NEGR1: variants seen among roughly 807,000 people sequenced by gnomAD.
The protein encoded by NEGR1 is IgLON family member 4.
Under a neutral mutation model 40.9 loss-of-function variants are expected in NEGR1, and 10 were observed. That is an observed-to-expected ratio of 0.24 (90% confidence interval 0.15 to 0.42). NEGR1 has a LOEUF of 0.42. Among genes scored for constraint, NEGR1 ranks in the 10% least tolerant of loss-of-function variants. The pLI is 1.00. For missense variants in NEGR1, 352 were observed against 438.9 expected (o/e 0.80, Z 1.77); for synonymous variants, 185 against 166.8 (o/e 1.11, Z -0.84).
chr1:71,673,094 C>T (rs1054385053), intron 4 of NEGR1, among the ~76,000 whole-genome samples: 2 of 152,026 alleles, frequency 1.3e-5, no homozygotes, highest in African/African-American at 4.8e-5. Flanking sequence ...ACAAAATTAG[C>T]CTGGCATTTT....
chr1:71,852,554 C>T (rs185526787), intron 2 of NEGR1, among the ~76,000 whole-genome samples: 367 of 152,064 alleles, frequency 2.4e-3, no homozygotes, highest in Admixed American at 7.6e-3. Flanking sequence ...ATTTTATTAC[C>T]GACCTGGCCT....
chr1:72,250,103 C>T (rs1655036269), intron 1 of NEGR1, among the ~76,000 whole-genome samples: 2 of 152,166 alleles, frequency 1.3e-5, no homozygotes, highest in African/African-American at 2.4e-5. Flanking sequence ...GCCTCTTCCA[C>T]AGTTCCATCA....
chr1:71,900,483 G>T (rs562219101), intron 2 of NEGR1, among the ~76,000 whole-genome samples: 291 of 151,786 alleles, frequency 1.9e-3, no homozygotes, highest in Non-Finnish European at 3.2e-3. Context: ...TTAGTTTTTT[G>T]AAAAAAGAAA....
chr1:72,202,519 C>T (rs1024825515), intron 1 of NEGR1, among the ~76,000 whole-genome samples: 5 of 151,976 alleles, frequency 3.3e-5, no homozygotes, highest in African/African-American at 9.7e-5. Flanking sequence ...ATTAAAAATG[C>T]TAGCTCACTG....
intron 1 of NEGR1, among the ~76,000 whole-genome samples, chr1:71,987,761 ATGAAT>A (rs1292491295): frequency 2.8e-5 from 4 of 141,880 alleles, no homozygotes; most frequent in Admixed American, 2.1e-4. Context: ...GAATAATATG[ATGAAT>A]TGAAGAAATC....
At chr1:71,956,850 A>G (rs1007290857) in intron 1 of NEGR1, among the ~76,000 whole-genome samples, 1 of 152,114 alleles carries the variant, frequency 6.6e-6, no homozygotes, top group African/African-American at 2.4e-5. Flanking sequence ...CTGCTATTCC[A>G]GACATAGTGT....
At chr1:72,056,602 C>T (rs1023295387) in intron 1 of NEGR1, among the ~76,000 whole-genome samples, 11 of 151,248 alleles carry the variant, frequency 7.3e-5, no homozygotes, top group South Asian at 2.1e-4. Flanking sequence ...TCAACAGATT[C>T]GCACTAAGTT....
At chr1:71,945,054 A>C (rs1315133770) in intron 1 of NEGR1, among the ~76,000 whole-genome samples, 1 of 152,200 alleles carries the variant, frequency 6.6e-6, no homozygotes, top group Non-Finnish European at 1.5e-5. Context: ...AGTTAAAAAT[A>C]GTCTCAAATT....
chr1:71,413,021 A>G (rs1322656308), intron 6 of NEGR1, among the ~76,000 whole-genome samples: 1 of 52,508 alleles, frequency 1.9e-5, no homozygotes, highest in Non-Finnish European at 4.7e-5. Flanking sequence ...ATGACATTGT[A>G]TATAATATAT....
intron 3 of NEGR1, among the ~76,000 whole-genome samples, chr1:71,775,167 A>T (rs1342515911): frequency 6.6e-6 from 1 of 152,138 alleles, no homozygotes; most frequent in Admixed American, 6.5e-5. Flanking sequence ...CAACGTGTGA[A>T]TGCTGATCAA....
intron 4 of NEGR1, among the ~76,000 whole-genome samples, chr1:71,692,514 C>T (rs988956990): frequency 3.3e-5 from 5 of 151,366 alleles, no homozygotes; most frequent in Non-Finnish European, 5.9e-5. Flanking sequence ...AAGGTGATGG[C>T]CATTTGTGAT....
Position 71,625,763 on chromosome 1 carries a change from T to G in NEGR1, c.668-14617A>C, listed in dbSNP as rs971945755. ...CAAGCCCCAGGCCATGGACCACTGC[T>G]GGACATATCGTGTGCCTCTAACATG... On this transcript the variant is annotated intron_variant, in intron 4 of 6. Coordinates refer to ENST00000357731, the MANE Select transcript of NEGR1 (RefSeq NM_173808.3). Among the ~76,000 whole-genome samples, 4 of 152,010 alleles carry G rather than the reference T, an allele frequency of 2.6e-5. No individual in the cohort carries two copies. The East Asian group carries it at 7.7e-4, about 29-fold the overall frequency.
rs929848831 is a variant in NEGR1, at chr1:71,403,721, G to T, written c.*3725C>A. The T allele has an allele frequency of 2.3e-5, 8 of 346,210 alleles. No individual in the cohort carries two copies. In the Admixed American group the frequency reaches 3.4e-4, roughly 15 times the overall value. The allele number at this position is 346,210 out of a possible 1,614,324, so 21.4% of individuals were successfully genotyped here. On this transcript the variant is annotated 3_prime_UTR_variant, in exon 7 of 7. Transcript: ENST00000357731. The stretch of plus-strand genomic sequence containing the variant: ...TCTTAAGCTAATAGAGTTTTAAAAT[G>T]AGTCAAATACATATTTTAATTGATA...
chr1:71,927,432 G>T (rs1645784943), intron 2 of NEGR1, among the ~76,000 whole-genome samples: 1 of 152,108 alleles, frequency 6.6e-6, no homozygotes, highest in South Asian at 2.1e-4. Context: ...GAATTTGTCT[G>T]TGAAGGTACA....
intron 6 of NEGR1, among the ~76,000 whole-genome samples, chr1:71,581,714 T>A (rs544794238): frequency 6.6e-6 from 1 of 150,598 alleles, no homozygotes; most frequent in East Asian, 1.9e-4. Flanking sequence ...TTTTTTTTTT[T>A]AAATTTGAGA....
At chr1:71,438,826 G>C (rs1159723084) in intron 6 of NEGR1, among the ~76,000 whole-genome samples, 2 of 152,154 alleles carry the variant, frequency 1.3e-5, no homozygotes, top group Non-Finnish European at 2.9e-5. Context: ...TGAATATGCT[G>C]ATCTAGAAGG....
chr1:71,930,713 C>T (rs186711880), intron 2 of NEGR1, among the ~76,000 whole-genome samples: 1 of 152,240 alleles, frequency 6.6e-6, no homozygotes, highest in Non-Finnish European at 1.5e-5. Flanking sequence ...CGAATTCAAA[C>T]AAGACAGAGT....
intron 3 of NEGR1, among the ~76,000 whole-genome samples, chr1:71,711,341 C>CAAAAAAAAAAAA (rs59376519): frequency 3.4e-5 from 2 of 58,700 alleles, no homozygotes; most frequent in Admixed American, 2.8e-4. Context: ...GAGATTCCAC[C>CAAAAAAAAAAAA]AAAAAAAAAA....
chr1:72,022,358 A>C (rs1284377555), intron 1 of NEGR1, among the ~76,000 whole-genome samples: 1 of 146,840 alleles, frequency 6.8e-6, no homozygotes, highest in African/African-American at 2.5e-5. Context: ...ATACCATTTA[A>C]ACACATTGTT....
Sources: allele counts gnomAD v4.1 joint callset (sites outside exome capture counted in the v4.1 genomes callset), GRCh38; gene constraint gnomAD v4.1.1; transcripts MANE v1.5; gene names NCBI Gene and HGNC (gene_info 2026-07-23, HGNC 2026-07-21).